Variants in RBM20 observed in about 807,000 individuals in gnomAD.
RBM20 encodes the protein RNA binding motif protein 20.
Under a neutral mutation model 110.1 loss-of-function variants are expected in RBM20, and 51 were observed. The ratio of observed to expected loss-of-function variants is 0.46; its 90% CI spans 0.37 to 0.59. The LOEUF (loss-of-function observed/expected upper bound fraction) is 0.59, where lower values mean the gene tolerates loss of function less well. RBM20 is among the 20% of genes least tolerant of loss of function. The probability of loss-of-function intolerance (pLI) is 0.00; values close to 1 mark genes in which losing one functional copy is unlikely to be tolerated. For missense variants in RBM20, 1,512 were observed against 1,574.9 expected, an observed-to-expected ratio of 0.96 and a Z score of 0.68; for synonymous variants, 589 against 618.2, an observed-to-expected ratio of 0.95 and a Z score of 0.70.
At chr10:110,711,215 A>T (rs1862921348) in intron 1 of RBM20, among the ~76,000 whole-genome samples, 1 of 150,666 alleles carries the variant, frequency 6.6e-6, no homozygotes, top group South Asian at 2.1e-4. Context: ...CTGTAATCCC[A>T]GCTGCTCGGG....
Position 110,644,760 on chromosome 10 carries a change from T to C in RBM20, c.191+115T>C. On this transcript the variant is annotated intron_variant, in intron 1 of 13. Coordinates refer to ENST00000369519, the MANE Select transcript of RBM20 (RefSeq NM_001134363.3). The surrounding 1 kb of genome is among the most constrained non-coding windows in gnomAD (Gnocchi z 4.3). The stretch of plus-strand genomic sequence containing the variant: ...GAACTTCGCTCGCCCCCCTTGGGTT[T>C]GAAGTTTTCTCGTACCCCCTCTGGG... 1.3e-6 allele frequency: 1 copy of C among 789,774 alleles called. No individual in the cohort carries two copies. Among genetic ancestry groups the C allele is most frequent in the Non-Finnish European group, 1.9e-6 (1 of 533,850 alleles). The allele number at this position is 789,774 out of a possible 1,614,324, so 48.9% of individuals were successfully genotyped here.
chr10:110,708,701 G>A lies in RBM20; in HGVS notation c.191+64056G>A, dbSNP rs954239143. 5.3e-5 allele frequency among the ~76,000 whole-genome samples: 8 copies of A among 152,258 alleles called. No homozygotes were observed. In the South Asian group the frequency reaches 1.2e-3, roughly 24 times the overall value. On this transcript the variant is annotated intron_variant, in intron 1 of 13. Transcript: ENST00000369519. ...TGAGTTCAAGTTTTTACAACAAGGCGGAATTATTTTTGTATTTCAGGGGAA... is the reference window on the plus strand; with the variant it reads ...TGAGTTCAAGTTTTTACAACAAGGCAGAATTATTTTTGTATTTCAGGGGAA...
In RBM20 at chr10:110,821,921, A is replaced by C. The variant is rs1356096222; in HGVS notation, c.3302A>C (p.Glu1101Ala). ...GACCTCCAAAACCAAGCTTGCCAAG[A>C]AGTGTTGACCCCGGGTAACTATCTC... ...ETDLQNQACQ[E>A]VLTPENSRYV... The change falls in exon 11 of 14, where the codon GAA becomes GCA. Residue 1101 changes from glutamate (E) to alanine (A), a missense_variant. By Grantham distance (107) the Glu-to-Ala change is moderately radical. Transcript: ENST00000369519. 1 of 1,551,628 alleles carries C rather than the reference A, an allele frequency of 6.4e-7. No homozygotes were observed. The highest frequency in any genetic ancestry group is 1.2e-5 in the South Asian group (1 of 84,048).
chr10:110,765,430 C>A (rs768789635), intron 1 of RBM20, among the ~76,000 whole-genome samples: 3 of 152,016 alleles, frequency 2.0e-5, no homozygotes, highest in Non-Finnish European at 4.4e-5. Flanking sequence ...AGCTTCTGAG[C>A]ACCCCTGAAG....
intron 9 of RBM20, among the ~76,000 whole-genome samples, chr10:110,818,309 C>CAAAAAAAAAAAAAA (rs1466741507): frequency 8.3e-6 from 1 of 119,784 alleles, no homozygotes. Flanking sequence ...AAAAAAAAAC[C>CAAAAAAAAAAAAAA]AAAACGACAA....
In RBM20 at chr10:110,780,974, A is replaced by T. The variant is rs1255506290; in HGVS notation, c.365A>T (p.Gln122Leu). 6.4e-7 allele frequency: 1 copy of T among 1,551,610 alleles called. No homozygotes were observed. Among genetic ancestry groups the T allele is most frequent in the African/African-American group, 1.4e-5 (1 of 73,026 alleles). Residue 122 changes from glutamine to leucine, a missense_variant, in exon 2 of 14, where the codon CAA (glutamine) becomes CTA (leucine). By Grantham distance (113) the Gln-to-Leu change is moderately radical. This residue lies in a region of RBM20 where 1,149 missense variants were observed against 1,169.4 expected (regional missense o/e 0.98). Coordinates refer to ENST00000369519, the MANE Select transcript of RBM20 (RefSeq NM_001134363.3). Reference protein sequence around the residue: ...NNTAAATVLNQVLSKVAMSQP... With the variant: ...NNTAAATVLNLVLSKVAMSQP... The stretch of plus-strand genomic sequence containing the variant: ...ACTGCAGCCGCCACAGTCCTGAACC[A>T]AGTCCTCTCCAAAGTGGCCATGTCC...
At chr10:110,731,533 G>A (rs996151362) in intron 1 of RBM20, among the ~76,000 whole-genome samples, 3 of 152,150 alleles carry the variant, frequency 2.0e-5, no homozygotes, top group Admixed American at 6.6e-5. Flanking sequence ...ACCCCTTTTA[G>A]CTGAACTCAT....
At chr10:110,743,636 AG>A (rs1355010509) in intron 1 of RBM20, among the ~76,000 whole-genome samples, 1 of 151,994 alleles carries the variant, frequency 6.6e-6, no homozygotes, top group Non-Finnish European at 1.5e-5. Flanking sequence ...TTATTTTTTG[AG>A]GTGGCATCTT....
intron 1 of RBM20, among the ~76,000 whole-genome samples, chr10:110,704,277 T>G (rs1051962980): frequency 6.6e-6 from 1 of 152,216 alleles, no homozygotes; most frequent in East Asian, 1.9e-4. Flanking sequence ...TACCACAGTT[T>G]GTTTAACCAT....
Position 110,830,919 on chromosome 10 carries a change from G to A in RBM20, c.3452-142G>A. 3 of 746,162 alleles carry A rather than the reference G, an allele frequency of 4.0e-6. No individual in the cohort carries two copies. In the East Asian group the frequency reaches 8.3e-5, roughly 21 times the overall value. The allele number at this position is 746,162 out of a possible 1,614,324, so 46.2% of individuals were successfully genotyped here. A position where few individuals can be genotyped will look rare whatever the true frequency, so the allele number is the denominator to read the frequency against. ...GCAAGTGAGGAAACTGAGGCTTGGA[G>A]AAGCTCAGTAACCAGCCAAGGTCAA... On this transcript the variant is annotated intron_variant, in intron 12 of 13. Transcript: ENST00000369519.
rs1289041673 is a variant in RBM20, at chr10:110,781,827, C to T, written c.1218C>T (p.Ala406=). 1.3e-6 allele frequency: 2 copies of T among 1,551,746 alleles called. No individual in the cohort carries two copies. Among genetic ancestry groups the T allele is most frequent in the South Asian group, 2.4e-5 (2 of 84,066 alleles). Residue 406 remains alanine, a synonymous_variant, in exon 2 of 14, where the codon GCC becomes GCT. Coordinates refer to ENST00000369519, the MANE Select transcript of RBM20 (RefSeq NM_001134363.3). ...AHELNDFHGV[A]PLHLPHICSI... ...AGCTGAACGACTTTCACGGTGTGGC[C>T]CCCCTCCACTTGCCGCATATCTGTA...
intron 1 of RBM20, among the ~76,000 whole-genome samples, chr10:110,707,382 T>C (rs1426926212): frequency 6.6e-6 from 1 of 152,196 alleles, no homozygotes; most frequent in East Asian, 1.9e-4. Flanking sequence ...AACTGGAAAA[T>C]ACATCAAAAA....
In RBM20 at chr10:110,814,711, G is replaced by A. The variant is rs142490455; in HGVS notation, c.2550+1764G>A. Among the ~76,000 whole-genome samples the A allele has an allele frequency of 2.0e-5, 3 of 152,264 alleles. No homozygotes were observed. The East Asian group carries it at 5.8e-4, about 29-fold the overall frequency. ...GGGTTTCACCATGTTGGTCAGGCTGGTCTCGAACTGCTGACCTCGTGATCC... is the reference window on the plus strand; with the variant it reads ...GGGTTTCACCATGTTGGTCAGGCTGATCTCGAACTGCTGACCTCGTGATCC... On this transcript the variant is annotated intron_variant, in intron 9 of 13. Coordinates refer to ENST00000369519, the MANE Select transcript of RBM20 (RefSeq NM_001134363.3).
rs727505067 is a variant in RBM20, at chr10:110,810,398, G to A, written c.1816G>A (p.Val606Met). Reference sequence around the variant, plus strand: ...ACTTTGCTAGAAACCCGGGAAGGCCGTGGCTGCCATCATCCAGGACATCCA... The same window carrying A: ...ACTTTGCTAGAAACCCGGGAAGGCCATGGCTGCCATCATCCAGGACATCCA... Reference protein sequence around the residue: ...ELQLKKPGKAVAAIIQDIHSQ... With the variant: ...ELQLKKPGKAMAAIIQDIHSQ... Residue 606 changes from valine to methionine, a missense_variant, in exon 8 of 14, where the codon GTG (valine) becomes ATG (methionine). By Grantham distance (21) the Val-to-Met change is conservative. Coordinates refer to ENST00000369519, the MANE Select transcript of RBM20 (RefSeq NM_001134363.3). 100 of 1,551,488 alleles carry A rather than the reference G, an allele frequency of 6.4e-5. No individual in the cohort carries two copies. Among genetic ancestry groups the A allele is most frequent in the Middle Eastern group, 3.3e-4 (2 of 5,990 alleles).
chr10:110,674,991 C>T lies in RBM20; in HGVS notation c.191+30346C>T, dbSNP rs773543384. Among the ~76,000 whole-genome samples, 24 of 152,174 alleles carry T rather than the reference C, an allele frequency of 1.6e-4. 1 individual carries two copies. The highest frequency in any genetic ancestry group is 8.5e-4 in the Admixed American group (13 of 15,278). Reference sequence around the variant, plus strand: ...AAACAAAGTCAAAATATCTAATACACGTTCCAAGGCAGGATGCAATTCTGT... The same window carrying T: ...AAACAAAGTCAAAATATCTAATACATGTTCCAAGGCAGGATGCAATTCTGT... On this transcript the variant is annotated intron_variant, in intron 1 of 13. Transcript: ENST00000369519.
At chr10:110,750,205 T>G (rs1843834891) in intron 1 of RBM20, among the ~76,000 whole-genome samples, 1 of 152,168 alleles carries the variant, frequency 6.6e-6, no homozygotes, top group East Asian at 1.9e-4. Context: ...TTAGAAATAT[T>G]TCCATGTTTA....
chr10:110,644,510 C>G lies in RBM20; in HGVS notation c.56C>G (p.Pro19Arg), dbSNP rs727504766. 1.3e-6 allele frequency: 2 copies of G among 1,527,048 alleles called. No homozygotes were observed. The highest frequency in any genetic ancestry group is 1.8e-6 in the Non-Finnish European group (2 of 1,140,658). The allele number at this position is 1,527,048 out of a possible 1,614,324, so 94.6% of individuals were successfully genotyped here. A position where few individuals can be genotyped will look rare whatever the true frequency, so the allele number is the denominator to read the frequency against. ...QDADPSGPEQPDRVACSVPGA... is the reference protein window; with the variant it reads ...QDADPSGPEQRDRVACSVPGA... Reference sequence around the variant, plus strand: ...GCGGACCCCAGCGGTCCGGAGCAGCCGGACAGAGTTGCCTGCAGTGTGCCT... The same window carrying G: ...GCGGACCCCAGCGGTCCGGAGCAGCGGGACAGAGTTGCCTGCAGTGTGCCT... Residue 19 changes from proline (P) to arginine (R), a missense_variant, in exon 1 of 14, where the codon CCG becomes CGG. Coordinates refer to ENST00000369519, the MANE Select transcript of RBM20 (RefSeq NM_001134363.3). This position sits in a 1 kb window ranked among gnomAD's most constrained non-coding sequence, Gnocchi z 4.3.
intron 1 of RBM20, among the ~76,000 whole-genome samples, chr10:110,710,057 T>A (rs189547176): frequency 6.6e-6 from 1 of 152,140 alleles, no homozygotes; most frequent in Non-Finnish European, 1.5e-5. Context: ...TTTCACCTAG[T>A]ATTTCATATG....
chr10:110,833,304 G>A (rs566567569), intron 13 of RBM20, among the ~76,000 whole-genome samples: 214 of 149,838 alleles, frequency 1.4e-3, no homozygotes, highest in Non-Finnish European at 2.5e-3. Context: ...TAGGAGAATC[G>A]CTTGAACCTG....
Sources: gnomAD v4.1 joint callset for allele counts (sites outside exome capture counted in the v4.1 genomes callset) on GRCh38, gnomAD v4.1.1 for gene constraint, gnomAD v4.1.1 regional missense constraint, Gnocchi (gnomAD v3.1) non-coding constraint, MANE v1.5 for transcripts, NCBI Gene and HGNC (gene_info 2026-07-23, HGNC 2026-07-21) for gene names.